DOCK10: variants seen among roughly 807,000 people sequenced by gnomAD.
DOCK10 encodes the protein dedicator of cytokinesis 10, also known as dedicator of cytokinesis protein 10.
In DOCK10, 145 loss-of-function variants were observed where a neutral mutation model predicts 280.1. The ratio of observed to expected loss-of-function variants is 0.52; its 90% confidence interval spans 0.45 to 0.59. The LOEUF (loss-of-function observed/expected upper bound fraction) is 0.59. Among genes scored for constraint, DOCK10 ranks in the 20% least tolerant of loss-of-function variants. The pLI is 0.00. For synonymous variants in DOCK10, 915 were observed against 942.2 expected (o/e 0.97, Z 0.53); for missense variants, 2,368 against 2,651.7 (o/e 0.89, Z 2.35).
chr2:224,826,215 C>A (rs1694840450), intron 27 of DOCK10, among the ~76,000 whole-genome samples: 1 of 152,064 alleles, frequency 6.6e-6, no homozygotes, highest in Admixed American at 6.6e-5. Context: ...AGGTGTGTGC[C>A]ACCACATCCA....
chr2:224,869,884 A>T (rs1698160188), intron 11 of DOCK10, among the ~76,000 whole-genome samples: 1 of 152,218 alleles, frequency 6.6e-6, no homozygotes. Context: ...TTTGATTTTC[A>T]GTTTCTAAAT....
intron 31 of DOCK10, 63 bp from the exon 32 acceptor site, chr2:224,808,149 C>T: frequency 7.0e-7 from 1 of 1,433,266 alleles, no homozygotes; most frequent in Non-Finnish European, 9.5e-7. Context: ...ATAATTGAGA[C>T]AGATATACCA....
intron 1 of DOCK10, chr2:224,982,522 T>C: frequency 8.2e-7 from 1 of 1,222,890 alleles, no homozygotes; most frequent in Non-Finnish European, 1.0e-6. Flanking sequence ...CATGGCCAAA[T>C]AGCTTGGATG....
At position 224,773,075 on chromosome 2, in the gene DOCK10, C is replaced by A; in HGVS notation, c.6204+82G>T. 4 of 1,272,302 alleles carry A rather than the reference C, an allele frequency of 3.1e-6. No individual in the cohort carries two copies. In the South Asian group the frequency reaches 5.2e-5, roughly 17 times the overall value. 78.8% of individuals were successfully genotyped at this position (1,272,302 alleles called of 1,614,324 possible). On this transcript the variant is annotated intron_variant, in intron 53 of 55. Transcript: ENST00000258390. ...CAAAAGGGAAAATGTTTCTTATATT[C>A]TTTGTAAACAAAGTTCTCAGGGCAT...
rs369199175 is a variant in DOCK10 at position 224,823,579 on chromosome 2, G to A, written c.3105C>T (p.Ser1035=). 1.1e-5 allele frequency: 17 copies of A among 1,607,050 alleles called. No homozygotes were observed. The East Asian group carries it at 1.3e-4, about 13-fold the overall frequency. The part of the protein sequence containing the change: ...NELDNLVMVL[S]DHVIWKYKDA... ...CCTTGTATTTCCAAATCACATGGTC[G>A]GATAGGACCATGACAAGATTGTCCA... The change falls in exon 28 of 56, where the codon TCC becomes TCT. Residue 1035 remains serine, a synonymous_variant. Coordinates refer to ENST00000258390, the MANE Select transcript of DOCK10 (RefSeq NM_014689.3).
chr2:224,832,993 G>A (rs904315365), intron 26 of DOCK10, among the ~76,000 whole-genome samples: 2 of 152,022 alleles, frequency 1.3e-5, no homozygotes, highest in African/African-American at 2.4e-5. Context: ...ATGGTCCATC[G>A]TTAGCACAAT....
chr2:224,905,782 C>T (rs1468004703), intron 3 of DOCK10, among the ~76,000 whole-genome samples: 13 of 152,114 alleles, frequency 8.5e-5, no homozygotes, highest in Non-Finnish European at 1.5e-5. Flanking sequence ...CTCCTTGTTC[C>T]CCGCTTTCCT....
intron 1 of DOCK10, among the ~76,000 whole-genome samples, chr2:224,951,553 G>C (rs939267865): frequency 6.6e-6 from 1 of 152,174 alleles, no homozygotes; most frequent in African/African-American, 2.4e-5. Context: ...GAATTTGAAT[G>C]CTAAAATGTC....
intron 1 of DOCK10, among the ~76,000 whole-genome samples, chr2:224,997,474 C>T (rs942551012): frequency 2.0e-5 from 3 of 152,048 alleles, no homozygotes; most frequent in Admixed American, 6.6e-5. Context: ...ACAGGTGATC[C>T]GCCCACCTCA....
At chr2:225,019,712 C>G (rs891221191) in intron 1 of DOCK10, among the ~76,000 whole-genome samples, 1 of 152,192 alleles carries the variant, frequency 6.6e-6, no homozygotes, top group Non-Finnish European at 1.5e-5. Flanking sequence ...TTTGCAAACA[C>G]TGCCCTTCAC....
At chr2:224,820,455 A>G (rs1452712034) in intron 28 of DOCK10, among the ~76,000 whole-genome samples, 1 of 152,234 alleles carries the variant, frequency 6.6e-6, no homozygotes, top group East Asian at 1.9e-4. Context: ...GCAGCTCATT[A>G]CTTGGTGTGT....
Position 224,834,267 on chromosome 2 carries a change from A to C in DOCK10, c.2851-4T>G. 6.6e-7 allele frequency: 1 copy of C among 1,525,572 alleles called. No individual in the cohort carries two copies. The highest frequency in any genetic ancestry group is 9.1e-7 in the Non-Finnish European group (1 of 1,103,336). The allele number at this position is 1,525,572 out of a possible 1,614,324, so 94.5% of individuals were successfully genotyped here. ...ATGCCCTGGTCTTGAACACGAACTG[A>C]AGAAAATCCAAAAAGTGAATAAAGT... is the stretch of plus-strand genomic sequence containing the variant. On this transcript the variant is annotated splice_polypyrimidine_tract_variant and splice_region_variant and intron_variant, in intron 25 of 55. Transcript: ENST00000258390.
chr2:224,906,539 T>G (rs914489187), intron 3 of DOCK10, among the ~76,000 whole-genome samples: 1 of 152,158 alleles, frequency 6.6e-6, no homozygotes, highest in African/African-American at 2.4e-5. Context: ...AGTGCAGTAG[T>G]GTGATCTCAG....
intron 7 of DOCK10, among the ~76,000 whole-genome samples, chr2:224,880,717 A>G (rs940844016): frequency 9.9e-5 from 15 of 152,240 alleles, no homozygotes; most frequent in African/African-American, 3.4e-4. Context: ...TTCATCTGAA[A>G]AAGTTCCAAA....
intron 1 of DOCK10, among the ~76,000 whole-genome samples, chr2:225,016,267 CT>C (rs957873881): frequency 6.6e-6 from 1 of 151,970 alleles, no homozygotes; most frequent in Non-Finnish European, 1.5e-5. Flanking sequence ...TCAAAAGTTT[CT>C]GTTTTTATCT....
At chr2:224,904,789 C>A (rs1700494653) in intron 3 of DOCK10, among the ~76,000 whole-genome samples, 1 of 152,128 alleles carries the variant, frequency 6.6e-6, no homozygotes, top group Admixed American at 6.6e-5. Flanking sequence ...AGAATGGTTT[C>A]TTTGTCAGCT....
Position 224,920,036 on chromosome 2 carries a change from T to C in DOCK10, c.244-3252A>G, listed in dbSNP as rs541320520. Reference sequence around the variant, plus strand: ...CCGTTGCTTTGCATGCAAAGTAAGATAGAGCCAATTTGGATCTTATTATTT... The same window carrying C: ...CCGTTGCTTTGCATGCAAAGTAAGACAGAGCCAATTTGGATCTTATTATTT... On this transcript the variant is annotated intron_variant, in intron 2 of 55. Transcript: ENST00000258390. Among the ~76,000 whole-genome samples the C allele has an allele frequency of 2.0e-5, 3 of 152,236 alleles. No individual in the cohort carries two copies. The East Asian group carries it at 5.8e-4, about 29-fold the overall frequency.
intron 7 of DOCK10, among the ~76,000 whole-genome samples, chr2:224,877,777 C>G (rs762003202): frequency 7.2e-5 from 11 of 152,196 alleles, no homozygotes; most frequent in Non-Finnish European, 1.6e-4. Context: ...TTATATATTC[C>G]TGGTATGAGA....
intron 2 of DOCK10, among the ~76,000 whole-genome samples, chr2:224,921,112 A>AAAAAAAAAAAAAAAAAT: frequency 3.7e-5 from 2 of 54,418 alleles, no homozygotes; most frequent in Non-Finnish European, 5.9e-5. Context: ...AAAAAAAAAA[A>AAAAAAAAAAAAAAAAAT]ATATATATAT....
Sources: allele counts gnomAD v4.1 joint callset (sites outside exome capture counted in the v4.1 genomes callset), GRCh38; gene constraint gnomAD v4.1.1; transcripts MANE v1.5; gene names NCBI Gene and HGNC (gene_info 2026-07-23, HGNC 2026-07-21).